Variants in UGT1A4 observed in about 807,000 individuals in gnomAD.
UGT1A4 encodes UDP-glucuronosyltransferase 1A4.
A neutral mutation model predicts 41.1 loss-of-function variants in UGT1A4; 32 were observed. The ratio of observed to expected loss-of-function variants is 0.78; its 90% CI spans 0.59 to 1.05. The LOEUF (loss-of-function observed/expected upper bound fraction) is 1.05, where lower values mean the gene tolerates loss of function less well. Among genes scored for constraint, UGT1A4 ranks in the 50% least tolerant of loss-of-function variants. The pLI, the probability that UGT1A4 is intolerant of heterozygous loss-of-function variation, is 0.00. For synonymous variants in UGT1A4, 283 were observed against 265.1 expected (o/e 1.07, Z -0.66); for missense variants, 748 against 677.4 (o/e 1.10, Z -1.16).
At chr2:233,737,662 C>A (rs972377767) in intron 1 of UGT1A4, among the ~76,000 whole-genome samples, 3 of 152,186 alleles carry the variant, frequency 2.0e-5, no homozygotes, top group African/African-American at 7.2e-5. Context: ...AGCTGCAGAT[C>A]GGAGCTGTTC....
intron 1 of UGT1A4, chr2:233,743,626 G>C: frequency 7.3e-7 from 1 of 1,367,322 alleles, no homozygotes. Context: ...TGAAGACGTC[G>C]GCTGGGTCGC....
In UGT1A4 at chr2:233,769,703, A is replaced by G. The variant is rs1416273085; in HGVS notation, c.1307+1264A>G. 46 of 1,521,058 alleles carry G rather than the reference A, an allele frequency of 3.0e-5. No individual in the cohort carries two copies. Among genetic ancestry groups the G allele is most frequent in the Non-Finnish European group, 3.6e-5 (41 of 1,133,112 alleles). 94.2% of individuals were successfully genotyped at this position (1,521,058 alleles called of 1,614,324 possible). A position where few individuals can be genotyped will look rare whatever the true frequency, so the allele number is the denominator to read the frequency against. ...TGTGGTGGCACTGGATAAAAGATCA[A>G]TGTTGGCTAGGCACCATGGCACACG... On this transcript the variant is annotated intron_variant, in intron 4 of 4. Coordinates refer to ENST00000373409, the MANE Select transcript of UGT1A4 (RefSeq NM_007120.3). The surrounding 1 kb of genome is among the most constrained non-coding windows in gnomAD (Gnocchi z 4.4).
intron 4 of UGT1A4, among the ~76,000 whole-genome samples, chr2:233,771,796 C>G (rs373628815): frequency 4.6e-5 from 7 of 151,828 alleles, no homozygotes; most frequent in African/African-American, 1.7e-4. Flanking sequence ...CCCTCCCTCC[C>G]TCCCTCCCTT....
intron 1 of UGT1A4, among the ~76,000 whole-genome samples, chr2:233,765,334 TAAC>T (rs1239541467): frequency 6.6e-6 from 1 of 152,144 alleles, no homozygotes; most frequent in African/African-American, 2.4e-5. Flanking sequence ...CTATTCACAA[TAAC>T]AAAGTCATGG....
chr2:233,750,986 G>T (rs1230774000), intron 1 of UGT1A4, among the ~76,000 whole-genome samples: 1 of 151,784 alleles, frequency 6.6e-6, no homozygotes, highest in Non-Finnish European at 1.5e-5. Flanking sequence ...TTGTGAGAAG[G>T]CGGCCACCAT....
intron 1 of UGT1A4, chr2:233,747,485 C>T: frequency 6.2e-7 from 1 of 1,608,768 alleles, no homozygotes; most frequent in Non-Finnish European, 8.5e-7. Flanking sequence ...AATTTGATCG[C>T]CTTGTGCTGG....
rs67292694 is a variant in UGT1A4 at position 233,757,535 on chromosome 2, A to AATATATATAT, written c.868-9482_868-9473dup. Among the ~76,000 whole-genome samples the AATATATATAT allele has an allele frequency of 5.8e-3, 509 of 88,260 alleles. 17 individuals are homozygous for AATATATATAT. Among genetic ancestry groups the AATATATATAT allele is most frequent in the African/African-American group, 0.017 (333 of 19,902 alleles). The allele number at this position is 88,260 out of a possible 152,430, so 57.9% of individuals were successfully genotyped here. A position where few individuals can be genotyped will look rare whatever the true frequency, so the allele number is the denominator to read the frequency against. On this transcript the variant is annotated intron_variant, in intron 1 of 4. Coordinates refer to ENST00000373409, the MANE Select transcript of UGT1A4 (RefSeq NM_007120.3). ...CAAAGCCAAAATCTTGCCTGTAAGG[A>AATATATATAT]ATATATATATATATATATATATATA...
intron 1 of UGT1A4, among the ~76,000 whole-genome samples, chr2:233,720,088 T>A (rs2076829579): frequency 1.3e-5 from 2 of 152,140 alleles, no homozygotes; most frequent in South Asian, 4.1e-4. Context: ...ACATGATAAT[T>A]TTTAGTGGTC....
intron 1 of UGT1A4, among the ~76,000 whole-genome samples, chr2:233,744,276 T>C (rs1409934425): frequency 2.0e-5 from 3 of 151,780 alleles, no homozygotes; most frequent in South Asian, 2.1e-4. Context: ...AAGTAGGCTT[T>C]ATATCAGTCT....
intron 1 of UGT1A4, chr2:233,747,293 A>C (rs1693613348): frequency 3.7e-6 from 6 of 1,600,642 alleles, no homozygotes; most frequent in Non-Finnish European, 5.1e-6. Context: ...CCCTGGGCTG[A>C]GAGTGGGAAG....
intron 1 of UGT1A4, among the ~76,000 whole-genome samples, chr2:233,724,739 C>T (rs1254831303): frequency 5.5e-5 from 8 of 144,282 alleles, no homozygotes; most frequent in African/African-American, 1.6e-4. Flanking sequence ...AGAGGGGCTC[C>T]TCACATCCCA....
intron 1 of UGT1A4, among the ~76,000 whole-genome samples, chr2:233,724,489 G>GGTT (rs2077269335): frequency 1.4e-5 from 1 of 73,260 alleles, no homozygotes; most frequent in Non-Finnish European, 2.9e-5. Context: ...CAGACGGGGC[G>GGTT]GCCGGGCAGA....
chr2:233,731,441 C>T (rs1000336522), intron 1 of UGT1A4, among the ~76,000 whole-genome samples: 6 of 152,112 alleles, frequency 3.9e-5, no homozygotes, highest in Non-Finnish European at 5.9e-5. Flanking sequence ...CCCCAGTCCC[C>T]CACCCCACAA....
At position 233,765,222 on chromosome 2, in the gene UGT1A4, C is replaced by A. The variant is rs528641835; in HGVS notation, c.868-1812C>A. On this transcript the variant is annotated intron_variant, in intron 1 of 4. Transcript: ENST00000373409. ...TAGTGCCCTCAGTATTCTTTGCAAA[C>A]ATAAAACCATAGACTCAGTAATCCC... Among the ~76,000 whole-genome samples, 51 of 152,262 alleles carry A rather than the reference C, an allele frequency of 3.3e-4. 1 individual carries two copies. The South Asian group carries it at 4.4e-3, about 13-fold the overall frequency.
chr2:233,756,838 A>G (rs967837640), intron 1 of UGT1A4, among the ~76,000 whole-genome samples: 1 of 152,148 alleles, frequency 6.6e-6, no homozygotes, highest in African/African-American at 2.4e-5. Context: ...ATGATTAACC[A>G]AAGAACATTC....
chr2:233,767,286 C>G, intron 2 of UGT1A4, 121 bp downstream of exon 2: 1 of 1,568,700 alleles, frequency 6.4e-7, no homozygotes, highest in African/African-American at 1.4e-5. Context: ...CCTGCCACTT[C>G]CCAACTATTA....
intron 1 of UGT1A4, among the ~76,000 whole-genome samples, chr2:233,739,715 G>A (rs1691183669): frequency 1.3e-5 from 2 of 152,136 alleles, no homozygotes; most frequent in Admixed American, 6.5e-5. Context: ...TGGGGGAAGG[G>A]ACTTGACTTG....
intron 1 of UGT1A4, chr2:233,729,953 T>A (rs371021401): frequency 6.2e-7 from 1 of 1,614,064 alleles, no homozygotes; most frequent in Non-Finnish European, 8.5e-7. Context: ...ATGGTCTTCA[T>A]TGGGGGCATC....
intron 1 of UGT1A4, among the ~76,000 whole-genome samples, chr2:233,737,818 G>C (rs554188879): frequency 2.0e-5 from 3 of 152,134 alleles, no homozygotes; most frequent in South Asian, 2.1e-4. Flanking sequence ...CAGTGGAGCA[G>C]AACAAATTGG....
Sources: allele counts gnomAD v4.1 joint callset (sites outside exome capture counted in the v4.1 genomes callset), GRCh38; gene constraint gnomAD v4.1.1; non-coding constraint Gnocchi (gnomAD v3.1); transcripts MANE v1.5; gene names NCBI Gene and HGNC (gene_info 2026-07-23, HGNC 2026-07-21).